The following SLC29A4 variants were observed in gnomAD, a reference collection of about 807,000 sequenced individuals.
SLC29A4 encodes the protein solute carrier family 29 member 4.
Under a neutral mutation model 43.9 loss-of-function variants are expected in SLC29A4, and 36 were observed. The ratio of observed to expected loss-of-function variants is 0.82; its 90% CI spans 0.63 to 1.08. The LOEUF is 1.08. SLC29A4 is among the 50% of genes least tolerant of loss of function. SLC29A4 has a pLI of 0.00. For synonymous variants in SLC29A4, 491 were observed against 338.0 expected (o/e 1.45, Z -4.97); for missense variants, 869 against 755.3 (o/e 1.15, Z -1.77).
chr7:5,288,099 G>A, intron 2 of SLC29A4, 114 bp downstream of exon 2: 1 of 1,330,682 alleles, frequency 7.5e-7, no homozygotes, highest in Non-Finnish European at 1.0e-6. Flanking sequence ...GAGGACTGGA[G>A]GCAGTGCCTG....
chr7:5,300,790 G>A lies in SLC29A4; in HGVS notation c.1450+128G>A, dbSNP rs1465275046. ...CGGGGGTTCAGAACAGTCAGTGTCT[G>A]GGAGGCCGTAGGTGTGGGGACATTC... On this transcript the variant is annotated intron_variant, in intron 10 of 10. Transcript: ENST00000396872. 137 of 1,298,564 alleles carry A rather than the reference G, an allele frequency of 1.1e-4. No homozygotes were observed. In the Admixed American group the frequency reaches 1.1e-3, roughly 10 times the overall value. The allele number at this position is 1,298,564 out of a possible 1,614,324, so 80.4% of individuals were successfully genotyped here. A position where few individuals can be genotyped will look rare whatever the true frequency, so the allele number is the denominator to read the frequency against.
rs766436170 is a variant in SLC29A4, at chr7:5,299,141, T to C, written c.1021+15T>C. ...CACCTTCAGAGGTGAGTGCGGGGAG[T>C]CCTCTGCTGCCCTGGCTCTGGCACC... On this transcript the variant is annotated intron_variant, in intron 8 of 10. Transcript: ENST00000396872. 3 of 1,603,168 alleles carry C rather than the reference T, an allele frequency of 1.9e-6. No individual in the cohort carries two copies. The highest frequency in any genetic ancestry group is 1.7e-5 in the Admixed American group (1 of 59,500).
intron 10 of SLC29A4, among the ~76,000 whole-genome samples, chr7:5,300,885 C>T (rs1786115222): frequency 6.6e-6 from 1 of 152,190 alleles, no homozygotes; most frequent in Non-Finnish European, 1.5e-5. Flanking sequence ...CTCCTGTGGA[C>T]CAAGTGCTTT....
intron 1 of SLC29A4, 138 bp from the exon 2 acceptor site, chr7:5,287,671 G>A: frequency 1.2e-6 from 1 of 802,998 alleles, no homozygotes; most frequent in Non-Finnish European, 1.9e-6. Flanking sequence ...TTTGCAGTGA[G>A]GCATAGCTTG....
chr7:5,291,125 G>A lies in SLC29A4; in HGVS notation c.303G>A (p.Gly101=), dbSNP rs763500311. The A allele has an allele frequency of 1.4e-5, 22 of 1,613,588 alleles. No individual in the cohort carries two copies. The highest frequency in any genetic ancestry group is 1.7e-5 in the Admixed American group (1 of 59,992). ...CCTGCTGTCTCTGGCCCTCTGCAGG[G>A]ACCTCCATCGTGTTTGACATGAGCC... The part of the protein sequence containing the change: ...DVDYLHHKYP[G]TSIVFDMSLT... Residue 101 remains glycine (G), a splice_region_variant and synonymous_variant, in exon 4 of 11, where the codon GGG becomes GGA. Coordinates refer to ENST00000396872, the MANE Select transcript of SLC29A4 (RefSeq NM_153247.4).
At position 5,291,754 on chromosome 7, in the gene SLC29A4, C is replaced by G. The variant is rs143586404; in HGVS notation, c.477C>G (p.Leu159=). The part of the protein sequence containing the change: ...FISICDVWLQ[L]FSRDQAYAIN... ...GCATCTGCGACGTGTGGCTGCAGCT[C>G]TTCTCTCGGGACCAGGCCTACGCCA... The change falls in exon 5 of 11, where the codon CTC becomes CTG. Residue 159 remains leucine (L), a synonymous_variant. Transcript: ENST00000396872. The G allele has an allele frequency of 1.2e-3, 1,893 of 1,611,996 alleles. 4 individuals carry two copies. The highest frequency in any genetic ancestry group is 1.5e-3 in the Non-Finnish European group (1,800 of 1,179,818).
intron 1 of SLC29A4, among the ~76,000 whole-genome samples, chr7:5,284,149 C>T (rs1021065629): frequency 2.6e-5 from 4 of 151,798 alleles, no homozygotes; most frequent in South Asian, 4.2e-4. Flanking sequence ...TCTGGGAGGC[C>T]GGGGCTGAGG....
At chr7:5,292,345 C>T (rs1785360999) in intron 5 of SLC29A4, among the ~76,000 whole-genome samples, 1 of 152,078 alleles carries the variant, frequency 6.6e-6, no homozygotes, top group Admixed American at 6.6e-5. Context: ...AACTCTTAGC[C>T]CCAAGCAATC....
intron 1 of SLC29A4, among the ~76,000 whole-genome samples, chr7:5,286,027 A>T (rs562366158): frequency 6.6e-6 from 1 of 151,818 alleles, no homozygotes; most frequent in Admixed American, 6.6e-5. Flanking sequence ...AAAACAAAAA[A>T]CAAAAAAATC....
At chr7:5,295,072 G>A (rs1195484922) in intron 6 of SLC29A4, 138 bp downstream of exon 6, 2 of 752,876 alleles carry the variant, frequency 2.7e-6, no homozygotes, top group African/African-American at 1.8e-5. Flanking sequence ...GCTAGGGACA[G>A]TGATCACCAT....
chr7:5,297,947 G>T (rs1172863922), intron 7 of SLC29A4, among the ~76,000 whole-genome samples: 1 of 152,178 alleles, frequency 6.6e-6, no homozygotes, highest in Non-Finnish European at 1.5e-5. Context: ...AGACGTCCTT[G>T]GGGGGCTGGG....
chr7:5,287,853 A>G lies in SLC29A4; in HGVS notation c.37A>G (p.Ser13Gly), dbSNP rs372332816. 78 of 1,611,872 alleles carry G rather than the reference A, an allele frequency of 4.8e-5. No individual in the cohort carries two copies. Among genetic ancestry groups the G allele is most frequent in the Admixed American group, 8.3e-5 (5 of 59,996 alleles). ...GGGGAGCCAGCGCCTTGAGGAGCCC[A>G]GCGTGGCAGGCACACCAGACCCGGG... Reference protein sequence around the residue: ...SVGSQRLEEPSVAGTPDPGVV... With the variant: ...SVGSQRLEEPGVAGTPDPGVV... Residue 13 changes from serine to glycine, a missense_variant, in exon 2 of 11, where the codon AGC (serine) becomes GGC (glycine). Ser to Gly is a moderately conservative substitution (Grantham distance 56). Transcript: ENST00000396872.
rs537288207 is a variant in SLC29A4 at position 5,303,305 on chromosome 7, G to A, written c.*366G>A. 3.7e-5 allele frequency: 12 copies of A among 322,562 alleles called. No homozygotes were observed. Among genetic ancestry groups the A allele is most frequent in the East Asian group, 1.8e-4 (2 of 11,258 alleles). 20.0% of individuals were successfully genotyped at this position (322,562 alleles called of 1,614,324 possible). On this transcript the variant is annotated 3_prime_UTR_variant, in exon 11 of 11. Coordinates refer to ENST00000396872, the MANE Select transcript of SLC29A4 (RefSeq NM_153247.4). Reference sequence around the variant, plus strand: ...AGCAGACACCCGCCAGAGTGTGCGCGCCCAGTGACTGCACCCCGGCCCTCA... The same window carrying A: ...AGCAGACACCCGCCAGAGTGTGCGCACCCAGTGACTGCACCCCGGCCCTCA...
At chr7:5,302,063 G>A (rs1562457739) in intron 10 of SLC29A4, among the ~76,000 whole-genome samples, 1 of 152,166 alleles carries the variant, frequency 6.6e-6, no homozygotes, top group South Asian at 2.1e-4. Context: ...CAATTCTCAT[G>A]CCTCAGCCTC....
Position 5,306,872 on chromosome 7 carries a change from A to G in SLC29A4, c.*3933A>G, listed in dbSNP as rs1786561165. The stretch of plus-strand genomic sequence containing the variant: ...TTGCCAACAAACAAAATTCCAAAAG[A>G]AACATAAAAAAAAAAACCAATAATT... On this transcript the variant is annotated 3_prime_UTR_variant, in exon 11 of 11. Transcript: ENST00000396872. 1 of 91,454 alleles carries G rather than the reference A, an allele frequency of 1.1e-5. No homozygotes were observed. The highest frequency in any genetic ancestry group is 6.1e-5 in the African/African-American group (1 of 16,278). 5.7% of individuals were successfully genotyped at this position (91,454 alleles called of 1,614,324 possible).
At chr7:5,285,222 G>T (rs1421229997) in intron 1 of SLC29A4, among the ~76,000 whole-genome samples, 2 of 152,188 alleles carry the variant, frequency 1.3e-5, no homozygotes, top group African/African-American at 4.8e-5. Context: ...CCTCGTTCAA[G>T]CCCAGCCCAG....
intron 3 of SLC29A4, 75 bp downstream of exon 3, chr7:5,290,938 C>T (rs1218991674): frequency 7.1e-6 from 11 of 1,555,950 alleles, no homozygotes; most frequent in South Asian, 2.4e-5. Flanking sequence ...AAACCCCCGG[C>T]GGGGAGGGTC....
At position 5,296,947 on chromosome 7, in the gene SLC29A4, GT is replaced by G; in HGVS notation, c.632del (p.Val211GlyfsTer2). The G allele has an allele frequency of 6.4e-7, 1 of 1,560,766 alleles. No homozygotes were observed. Among genetic ancestry groups the G allele is most frequent in the Non-Finnish European group, 8.7e-7 (1 of 1,151,712 alleles). On this transcript the variant is annotated frameshift_variant, in exon 7 of 11. Coordinates refer to ENST00000396872, the MANE Select transcript of SLC29A4 (RefSeq NM_153247.4). LOFTEE classifies it high-confidence loss of function. ...TGCACGCCCCCCAGGCACGGCGGGC[GT>G]GATGATCTCTCTGAGCCGCATCCTC... is the stretch of plus-strand genomic sequence containing the variant. Reference protein sequence around the residue: ...GVMTGESTAGVMISLSRILTK... With the variant: ...GVMTGESTAGXMISLSRILTK...
intron 9 of SLC29A4, among the ~76,000 whole-genome samples, chr7:5,300,098 G>A (rs762622192): frequency 1.3e-5 from 2 of 152,172 alleles, no homozygotes; most frequent in Non-Finnish European, 2.9e-5. Flanking sequence ...CAGCCGTGGT[G>A]GTGCGTGCCT....
Sources: gnomAD v4.1 joint callset for allele counts (sites outside exome capture counted in the v4.1 genomes callset) on GRCh38, gnomAD v4.1.1 for gene constraint, MANE v1.5 for transcripts, NCBI Gene and HGNC (gene_info 2026-07-23, HGNC 2026-07-21) for gene names.